The following ZNF521 variants were observed in gnomAD, a reference collection of about 807,000 sequenced individuals.
ZNF521 encodes zinc finger protein 521.
Under a neutral mutation model 105.5 loss-of-function variants are expected in ZNF521, and 14 were observed. That is an observed-to-expected ratio of 0.13 (90% CI 0.09 to 0.21). ZNF521 has a LOEUF of 0.21. Among genes scored for constraint, ZNF521 ranks in the 10% least tolerant of loss-of-function variants. ZNF521 has a pLI of 1.00. For missense variants in ZNF521, 1,233 were observed against 1,629.7 expected (o/e 0.76, Z 4.19); for synonymous variants, 635 against 606.0 (o/e 1.05, Z -0.70).
In ZNF521 at chr18:25,172,049, G is replaced by C. The variant is rs1752050480; in HGVS notation, c.3658+23111C>G. 2.6e-5 allele frequency among the ~76,000 whole-genome samples: 4 copies of C among 151,968 alleles called. 1 individual carries two copies. In the South Asian group the frequency reaches 8.3e-4, roughly 32 times the overall value. ...TTTTGGGGGGGAAGAGGGGGCATGA[G>C]GTGGAGAGTACATGTATTAATTGTT... On this transcript the variant is annotated intron_variant, in intron 5 of 7. Coordinates refer to ENST00000361524, the MANE Select transcript of ZNF521 (RefSeq NM_015461.3).
intron 4 of ZNF521, among the ~76,000 whole-genome samples, chr18:25,203,700 T>C (rs892062968): frequency 1.3e-5 from 2 of 152,118 alleles, no homozygotes. Flanking sequence ...AATTAGAAGA[T>C]TGCTTCTGGC....
At chr18:25,212,538 A>AATATATATATATAT (rs1279194731) in intron 4 of ZNF521, among the ~76,000 whole-genome samples, 41 of 48,130 alleles carry the variant, frequency 8.5e-4, no homozygotes, top group East Asian at 3.2e-3. Context: ...AAAAAAAAAA[A>AATATATATATATAT]ATATATATAT....
chr18:25,291,806 AAATAGAATTTCTGAGTTTCCAGAATAC>A (rs1911041671), intron 3 of ZNF521, among the ~76,000 whole-genome samples: 1 of 152,210 alleles, frequency 6.6e-6, no homozygotes, highest in African/African-American at 2.4e-5. Context: ...AAACTCGAGA[AAATAGAATTTCTGAGTTTCCAGAATAC>A]AATAATCAAC....
At chr18:25,119,775 AAAG>A (rs1567970134) in intron 5 of ZNF521, among the ~76,000 whole-genome samples, 1 of 152,074 alleles carries the variant, frequency 6.6e-6, no homozygotes, top group Non-Finnish European at 1.5e-5. Flanking sequence ...GAAGCTAGAA[AAAG>A]AAGGGTAAAT....
At chr18:25,189,732 C>T (rs2035786509) in intron 5 of ZNF521, among the ~76,000 whole-genome samples, 1 of 152,204 alleles carries the variant, frequency 6.6e-6, no homozygotes, top group South Asian at 2.1e-4. Flanking sequence ...AATGTTTTGG[C>T]TGGTTTACAA....
chr18:25,328,613 C>T (rs944079546), intron 2 of ZNF521, among the ~76,000 whole-genome samples: 76 of 150,152 alleles, frequency 5.1e-4, no homozygotes, highest in African/African-American at 1.8e-3. Context: ...AGTGCAGTGG[C>T]GTGATCTTGG....
chr18:25,214,467 A>G (rs77524585), intron 4 of ZNF521, among the ~76,000 whole-genome samples: 433 of 152,006 alleles, frequency 2.8e-3, no homozygotes, highest in African/African-American at 0.01. Flanking sequence ...TTTGTTTTCT[A>G]TTTATCTTAA....
intron 3 of ZNF521, among the ~76,000 whole-genome samples, chr18:25,242,078 A>T (rs956482940): frequency 3.9e-5 from 6 of 152,206 alleles, no homozygotes; most frequent in African/African-American, 1.2e-4. Context: ...ATTTCTCAGT[A>T]TGGTAAAATT....
At chr18:25,219,476 GTGTA>G (rs1905552396) in intron 4 of ZNF521, among the ~76,000 whole-genome samples, 1 of 152,204 alleles carries the variant, frequency 6.6e-6, no homozygotes. Context: ...GAGTGGATAC[GTGTA>G]GCAGGCAGCT....
Position 25,338,259 on chromosome 18 carries a change from T to TTGTGTGTGTGTGTGTGTGTG in ZNF521, c.40+12628_40+12647dup, listed in dbSNP as rs34813730. Among the ~76,000 whole-genome samples the TTGTGTGTGTGTGTGTGTGTG allele has an allele frequency of 6.4e-3, 880 of 136,582 alleles. 8 individuals carry two copies. Among genetic ancestry groups the TTGTGTGTGTGTGTGTGTGTG allele is most frequent in the East Asian group, 0.027 (118 of 4,408 alleles). 89.6% of individuals were successfully genotyped at this position (136,582 alleles called of 152,430 possible). ...AATTCAAACAACCTCTCATAGACTTTTGTGTGTGTGTGTGTGTGTGTGTGT... is the reference window on the plus strand; with the variant it reads ...AATTCAAACAACCTCTCATAGACTTTTGTGTGTGTGTGTGTGTGTGTGTGTGTGTGTGTGTGTGTGTGTGT... On this transcript the variant is annotated intron_variant, in intron 2 of 7. Transcript: ENST00000361524.
chr18:25,121,518 T>C (rs966791741), intron 5 of ZNF521, among the ~76,000 whole-genome samples: 7 of 152,034 alleles, frequency 4.6e-5, no homozygotes, highest in Admixed American at 1.3e-4. Flanking sequence ...CTCAAAGTGC[T>C]GGGATTACAG....
chr18:25,341,434 T>C (rs942655825), intron 2 of ZNF521, among the ~76,000 whole-genome samples: 3 of 152,200 alleles, frequency 2.0e-5, no homozygotes, highest in Non-Finnish European at 2.9e-5. Context: ...TTAAACAATT[T>C]AGAAAATTAA....
At chr18:25,311,805 T>C (rs932977733) in intron 3 of ZNF521, among the ~76,000 whole-genome samples, 7 of 152,362 alleles carry the variant, frequency 4.6e-5, no homozygotes, top group African/African-American at 1.4e-4. Flanking sequence ...TATTCATTAT[T>C]CATTACACAA....
At chr18:25,128,268 C>T (rs11083111) in intron 5 of ZNF521, among the ~76,000 whole-genome samples, 67,372 of 151,544 alleles carry the variant, frequency 0.44, 15,126 homozygotes, top group South Asian at 0.56. Flanking sequence ...ATCCAACATC[C>T]ATTCATGATA....
chr18:25,157,256 A>G (rs904806552), intron 5 of ZNF521, among the ~76,000 whole-genome samples: 6 of 152,192 alleles, frequency 3.9e-5, no homozygotes, highest in Admixed American at 3.3e-4. Flanking sequence ...AAAATTGAAA[A>G]TTAAAATGAC....
At chr18:25,205,171 A>T (rs2036059146) in intron 4 of ZNF521, among the ~76,000 whole-genome samples, 1 of 143,014 alleles carries the variant, frequency 7.0e-6, no homozygotes, top group Non-Finnish European at 1.5e-5. Context: ...AAAAAAAAAA[A>T]TTACCAGAGC....
At chr18:25,257,481 G>A (rs1214407216) in intron 3 of ZNF521, among the ~76,000 whole-genome samples, 1 of 152,074 alleles carries the variant, frequency 6.6e-6, no homozygotes, top group Non-Finnish European at 1.5e-5. Context: ...AAGTTCAAAA[G>A]GGACTAGATT....
intron 3 of ZNF521, among the ~76,000 whole-genome samples, chr18:25,315,158 T>A (rs1912532027): frequency 6.6e-6 from 1 of 152,216 alleles, no homozygotes; most frequent in South Asian, 2.1e-4. Flanking sequence ...GTCTTCTGCA[T>A]CAGAGAGTCC....
intron 7 of ZNF521, among the ~76,000 whole-genome samples, chr18:25,071,073 T>C (rs2033209304): frequency 6.6e-6 from 1 of 152,202 alleles, no homozygotes; most frequent in African/African-American, 2.4e-5. Flanking sequence ...TTACTTTGTA[T>C]TGAAAACACA....
Sources: allele counts gnomAD v4.1 joint callset (sites outside exome capture counted in the v4.1 genomes callset), GRCh38; gene constraint gnomAD v4.1.1; transcripts MANE v1.5; gene names NCBI Gene and HGNC (gene_info 2026-07-23, HGNC 2026-07-21).